MARK4: variants seen among roughly 807,000 people sequenced by gnomAD.
MARK4 encodes the protein microtubule affinity regulating kinase 4.
MARK4 carries 19 observed loss-of-function variants against 81.5 expected under a neutral mutation model. The observed-to-expected ratio is 0.23, with a 90% CI of 0.16 to 0.34. MARK4 has a LOEUF of 0.34. MARK4 is among the 10% of genes least tolerant of loss of function. MARK4 has a pLI of 1.00. For missense variants in MARK4, 772 were observed against 1,058.8 expected (o/e 0.73, Z 3.76); for synonymous variants, 436 against 439.0 (o/e 0.99, Z 0.08).
intron 16 of MARK4, 37 bp downstream of exon 16, chr19:45,299,892 C>A: frequency 6.3e-7 from 1 of 1,575,050 alleles, no homozygotes; most frequent in Non-Finnish European, 8.7e-7. Context: ...GCCACTTCCC[C>A]TCTCCTGCCT....
At chr19:45,253,970 G>A (rs906982662) in intron 1 of MARK4, among the ~76,000 whole-genome samples, 1 of 152,152 alleles carries the variant, frequency 6.6e-6, no homozygotes, top group Non-Finnish European at 1.5e-5. Context: ...CGGATTTGAG[G>A]ATGGCTAATC....
chr19:45,287,145 A>C (rs191492240), intron 12 of MARK4, among the ~76,000 whole-genome samples: 5 of 149,420 alleles, frequency 3.3e-5, no homozygotes, highest in African/African-American at 1.2e-4. Context: ...TGGAGGTTGC[A>C]GTGAGCGGAG....
At chr19:45,289,006 C>A (rs898512230) in intron 13 of MARK4, among the ~76,000 whole-genome samples, 2 of 152,130 alleles carry the variant, frequency 1.3e-5, no homozygotes, top group African/African-American at 4.8e-5. Context: ...CGAGGCTGGT[C>A]ACGGCAGGTT....
chr19:45,270,411 G>T (rs1303574781), intron 7 of MARK4, among the ~76,000 whole-genome samples: 2 of 152,118 alleles, frequency 1.3e-5, no homozygotes, highest in Non-Finnish European at 1.5e-5. Flanking sequence ...GTGCATGGTA[G>T]ATATGCAACC....
chr19:45,280,778 A>C, intron 12 of MARK4, 44 bp downstream of exon 12: 5 of 1,605,858 alleles, frequency 3.1e-6, no homozygotes, highest in Non-Finnish European at 4.3e-6. Context: ...CTTCTCCCCA[A>C]GGCCCAGACT....
intron 12 of MARK4, 97 bp from the exon 13 acceptor site, chr19:45,287,350 C>T (rs1473281668): frequency 4.9e-6 from 4 of 818,932 alleles, no homozygotes; most frequent in South Asian, 3.0e-5. Context: ...ACAGAGATTG[C>T]AACCCACGTG....
intron 1 of MARK4, 142 bp downstream of exon 1, chr19:45,251,781 C>A: frequency 1.4e-6 from 1 of 718,734 alleles, no homozygotes; most frequent in Non-Finnish European, 2.2e-6. Context: ...CCCTCCCGGA[C>A]TTCCAGGCCT....
chr19:45,253,183 A>ACC (rs202226189), intron 1 of MARK4, among the ~76,000 whole-genome samples: 1 of 122,442 alleles, frequency 8.2e-6, no homozygotes, highest in African/African-American at 3.1e-5. Context: ...CCTCCGACAG[A>ACC]CCCCCCCACA....
At chr19:45,287,994 T>TAAA (rs1970769338) in intron 13 of MARK4, 1 of 342,908 alleles carries the variant, frequency 2.9e-6, no homozygotes, top group African/African-American at 2.1e-5. Context: ...ATCCTGGCAT[T>TAAA]TTGGGAGGCC....
chr19:45,287,554 G>T lies in MARK4; in HGVS notation c.1384G>T (p.Ala462Ser). The T allele has an allele frequency of 1.9e-6, 3 of 1,590,490 alleles. No individual in the cohort carries two copies. Among genetic ancestry groups the T allele is most frequent in the Non-Finnish European group, 2.6e-6 (3 of 1,167,004 alleles). ...AGGCCGGAAGGCGAGCTGCAGCACC[G>T]CGGGGAGTGGGAGTCGAGGGCTGCC... is the stretch of plus-strand genomic sequence containing the variant. Reference protein sequence around the residue: ...LPGRKASCSTAGSGSRGLPPS... With the variant: ...LPGRKASCSTSGSGSRGLPPS... Residue 462 changes from alanine to serine, a missense_variant, in exon 13 of 17, where the codon GCG (alanine) becomes TCG (serine). Transcript: ENST00000262891.
chr19:45,302,628 G>T lies in MARK4; in HGVS notation c.2177G>T (p.Gly726Val), dbSNP rs759055622. 13 of 1,547,530 alleles carry T rather than the reference G, an allele frequency of 8.4e-6. No homozygotes were observed. The highest frequency in any genetic ancestry group is 1.0e-5 in the Non-Finnish European group (12 of 1,153,356). ...CAGCTGCCCCGGCCAGGCTTGCGGG[G>T]AGTTCTCTTCCGCCGTGTGGCGGGC... is the stretch of plus-strand genomic sequence containing the variant. ...VCQLPRPGLR[G>V]VLFRRVAGTA... The change falls in exon 17 of 17, where the codon GGA becomes GTA. Residue 726 changes from glycine (G) to valine (V), a missense_variant. Physicochemically the swap from Gly to Val is moderately radical, Grantham distance 109. Around this residue, in one of 3 missense-constraint regions of MARK4, gnomAD observed 548 missense variants for 624.3 expected, o/e 0.88. Coordinates refer to ENST00000262891, the MANE Select transcript of MARK4 (RefSeq NM_001199867.2). This position sits in a 1 kb window ranked among gnomAD's most constrained non-coding sequence, Gnocchi z 4.9.
Position 45,287,677 on chromosome 19 carries a change from G to A in MARK4, c.1494+13G>A. 1 of 1,603,270 alleles carries A rather than the reference G, an allele frequency of 6.2e-7. No homozygotes were observed. The highest frequency in any genetic ancestry group is 8.5e-7 in the Non-Finnish European group (1 of 1,174,494). On this transcript the variant is annotated intron_variant, in intron 13 of 16. Transcript: ENST00000262891. ...CACGAGCACCCCCGTGAGTGACCAG[G>A]GCTGGGGGGCAGGGCTGGGGGCGCC... is the stretch of plus-strand genomic sequence containing the variant.
At position 45,262,976 on chromosome 19, in the gene MARK4, G is replaced by A. The variant is rs546638489; in HGVS notation, c.253-137G>A. 2.1e-4 allele frequency: 201 copies of A among 940,774 alleles called. 1 individual carries two copies. Among genetic ancestry groups the A allele is most frequent in the South Asian group, 9.6e-4 (61 of 63,850 alleles). The allele number at this position is 940,774 out of a possible 1,614,324, so 58.3% of individuals were successfully genotyped here. On this transcript the variant is annotated intron_variant, in intron 2 of 16. Coordinates refer to ENST00000262891, the MANE Select transcript of MARK4 (RefSeq NM_001199867.2). ...GACAGGGTTTCGTCGTGTTGACCAG[G>A]CTGGTCTCGAACTCCTGGCCTCAAG...
chr19:45,282,389 C>T (rs1236825194), intron 12 of MARK4, among the ~76,000 whole-genome samples: 1 of 151,880 alleles, frequency 6.6e-6, no homozygotes, highest in Non-Finnish European at 1.5e-5. Context: ...AACAACGTAC[C>T]CATTTAAAGT....
intron 8 of MARK4, among the ~76,000 whole-genome samples, chr19:45,276,418 C>T (rs1970598189): frequency 1.3e-5 from 2 of 152,094 alleles, no homozygotes; most frequent in South Asian, 4.2e-4. Context: ...TAGGGCCTCT[C>T]ATAAAAGGCC....
rs1029787661 is a variant in MARK4, at chr19:45,303,490, G to A, written c.*780G>A. 7 of 152,208 alleles carry A rather than the reference G, an allele frequency of 4.6e-5. No homozygotes were observed. Among genetic ancestry groups the A allele is most frequent in the African/African-American group, 1.7e-4 (7 of 41,434 alleles). 9.4% of individuals were successfully genotyped at this position (152,208 alleles called of 1,614,324 possible). A position where few individuals can be genotyped will look rare whatever the true frequency, so the allele number is the denominator to read the frequency against. ...CTCGGTTTTCTCATCTGCAGAATGG[G>A]AGCGGTGGGGGTGGGAAGGTAAGGA... On this transcript the variant is annotated 3_prime_UTR_variant, in exon 17 of 17. Transcript: ENST00000262891.
At chr19:45,255,010 G>A (rs780748337) in intron 1 of MARK4, among the ~76,000 whole-genome samples, 3 of 152,070 alleles carry the variant, frequency 2.0e-5, no homozygotes, top group African/African-American at 7.2e-5. Context: ...AGACTAGCCC[G>A]GACAACATAG....
chr19:45,294,374 C>G lies in MARK4; in HGVS notation c.1520C>G (p.Thr507Ser), dbSNP rs201397444. ...AACAACCTCCCTCCTAGCATGATGA[C>G]CCGCAGAAACACCTACGTTTGCACA... is the stretch of plus-strand genomic sequence containing the variant. ...TPNNLPPSMM[T>S]RRNTYVCTER... The change falls in exon 14 of 17, where the codon ACC (threonine) becomes AGC (serine). Residue 507 changes from threonine to serine, a missense_variant. Physicochemically the swap from Thr to Ser is moderately conservative, Grantham distance 58. Around this residue, in one of 3 missense-constraint regions of MARK4, gnomAD observed 548 missense variants for 624.3 expected, o/e 0.88. Transcript: ENST00000262891. 1.8e-5 allele frequency: 29 copies of G among 1,614,158 alleles called. No homozygotes were observed. The East Asian group carries it at 3.6e-4, about 20-fold the overall frequency.
chr19:45,283,992 C>G (rs1379141244), intron 12 of MARK4, among the ~76,000 whole-genome samples: 1 of 151,918 alleles, frequency 6.6e-6, no homozygotes. Flanking sequence ...TTATCTTTTT[C>G]TAGATCTCTC....
Sources: allele counts gnomAD v4.1 joint callset (sites outside exome capture counted in the v4.1 genomes callset), GRCh38; gene constraint gnomAD v4.1.1; regional missense constraint gnomAD v4.1.1; non-coding constraint Gnocchi (gnomAD v3.1); transcripts MANE v1.5; gene names NCBI Gene and HGNC (gene_info 2026-07-23, HGNC 2026-07-21).